Variants in BBX observed in about 807,000 individuals in gnomAD.
The protein encoded by BBX is BBX high mobility group box domain containing, also known as HMG box transcription factor BBX.
Under a neutral mutation model 100.2 loss-of-function variants are expected in BBX, and 30 were observed. The ratio of observed to expected loss-of-function variants is 0.30; its 90% confidence interval spans 0.22 to 0.41. BBX has a LOEUF of 0.41. Among genes scored for constraint, BBX ranks in the 10% least tolerant of loss-of-function variants. The pLI is 1.00. For synonymous variants in BBX, 376 were observed against 388.1 expected, an observed-to-expected ratio of 0.97 and a Z score of 0.37; for missense variants, 1,023 against 1,129.8, an observed-to-expected ratio of 0.91 and a Z score of 1.35.
At chr3:107,526,599 A>G in intron 2 of BBX, 1 of 374,420 alleles carries the variant, frequency 2.7e-6, no homozygotes, top group Non-Finnish European at 4.7e-6. Context: ...AAGATAGTAA[A>G]TATTCATTTT....
At chr3:107,627,668 AT>A (rs921022998) in intron 2 of BBX, among the ~76,000 whole-genome samples, 33 of 150,034 alleles carry the variant, frequency 2.2e-4, no homozygotes, top group East Asian at 9.8e-4. Flanking sequence ...ACTAGGTTCA[AT>A]TTTTTTTTTC....
chr3:107,584,191 ATGATATATATAT>A (rs2052628572), intron 2 of BBX, among the ~76,000 whole-genome samples: 1 of 33,792 alleles, frequency 3.0e-5, no homozygotes, highest in Non-Finnish European at 5.5e-5. Flanking sequence ...TATATAATAT[ATGATATATATAT>A]TATTATATAT....
chr3:107,551,585 C>T (rs1357876055), intron 2 of BBX, among the ~76,000 whole-genome samples: 1 of 152,202 alleles, frequency 6.6e-6, no homozygotes, highest in East Asian at 1.9e-4. Flanking sequence ...TTTCTGGCAT[C>T]ACCGACCTCA....
chr3:107,693,888 T>A (rs1468546988), intron 3 of BBX, among the ~76,000 whole-genome samples: 1 of 150,644 alleles, frequency 6.6e-6, no homozygotes, highest in Admixed American at 6.6e-5. Flanking sequence ...CAGTGGTTTG[T>A]AGTTCTCCTT....
intron 2 of BBX, among the ~76,000 whole-genome samples, chr3:107,578,147 T>C (rs756444198): frequency 6.6e-6 from 1 of 152,218 alleles, no homozygotes; most frequent in Non-Finnish European, 1.5e-5. Flanking sequence ...TTAAACAGCT[T>C]AGTGGCAAAA....
At chr3:107,668,409 T>G (rs1226453818) in intron 3 of BBX, among the ~76,000 whole-genome samples, 14 of 151,160 alleles carry the variant, frequency 9.3e-5, no homozygotes, top group Non-Finnish European at 7.4e-5. Flanking sequence ...TTATTTCCTG[T>G]TAACTTAACC....
At chr3:107,747,216 C>T (rs2064690288) in intron 8 of BBX, among the ~76,000 whole-genome samples, 1 of 151,664 alleles carries the variant, frequency 6.6e-6, no homozygotes, top group Non-Finnish European at 1.5e-5. Context: ...CATTGTCACA[C>T]ACTAACGTGT....
chr3:107,572,250 C>T (rs1298484751), intron 2 of BBX, among the ~76,000 whole-genome samples: 3 of 152,176 alleles, frequency 2.0e-5, no homozygotes, highest in Non-Finnish European at 2.9e-5. Context: ...GCTATATTCA[C>T]GTAATCCTTT....
chr3:107,679,130 A>G (rs1205582503), intron 3 of BBX, among the ~76,000 whole-genome samples: 1 of 148,180 alleles, frequency 6.7e-6, no homozygotes, highest in Middle Eastern at 3.3e-3. Context: ...AGTCATATTT[A>G]AGGGCTTCAT....
At chr3:107,636,221 T>C (rs1220890454) in intron 2 of BBX, among the ~76,000 whole-genome samples, 1 of 152,158 alleles carries the variant, frequency 6.6e-6, no homozygotes, top group Non-Finnish European at 1.5e-5. Context: ...TACCTGAAAC[T>C]CAGGTAGAAT....
chr3:107,584,023 TTA>T (rs1416615773), intron 2 of BBX, among the ~76,000 whole-genome samples: 2 of 70,960 alleles, frequency 2.8e-5, no homozygotes, highest in African/African-American at 6.2e-5. Context: ...ATACATATTA[TTA>T]TATATATTAA....
At position 107,774,818 on chromosome 3, in the gene BBX, A is replaced by C; in HGVS notation, c.2015A>C (p.Lys672Thr). 1 of 1,613,594 alleles carries C rather than the reference A, an allele frequency of 6.2e-7. No individual in the cohort carries two copies. Among genetic ancestry groups the C allele is most frequent in the Non-Finnish European group, 8.5e-7 (1 of 1,179,648 alleles). ...FSQSGTSGSKKFKKTKPKEDC... is the reference protein window; with the variant it reads ...FSQSGTSGSKTFKKTKPKEDC... The stretch of plus-strand genomic sequence containing the variant: ...CAGAGTGGGACCAGTGGGAGCAAGA[A>C]GTTCAAGAAGACAAAGCCAAAAGAA... Residue 672 changes from lysine (K) to threonine (T), a missense_variant, in exon 12 of 18, where the codon AAG becomes ACG. Transcript: ENST00000325805.
intron 1 of BBX, chr3:107,523,628 G>C (rs1354059414): frequency 1.3e-5 from 2 of 152,412 alleles, no homozygotes; most frequent in African/African-American, 4.8e-5. Context: ...CGCCCGGGGA[G>C]CCCCAAACTT....
chr3:107,644,671 G>A lies in BBX; in HGVS notation c.-83-1165G>A, dbSNP rs1201456829. Among the ~76,000 whole-genome samples, 8 of 152,070 alleles carry A rather than the reference G, an allele frequency of 5.3e-5. No individual in the cohort carries two copies. In the South Asian group the frequency reaches 1.5e-3, roughly 28 times the overall value. On this transcript the variant is annotated intron_variant, in intron 2 of 17. Transcript: ENST00000325805. ...GTTTGACTTGAAAGTATTCATATGT[G>A]TCCTTTATAGTTTGCTTCAAAGATC...
chr3:107,685,511 T>C (rs1392971209), intron 3 of BBX, among the ~76,000 whole-genome samples: 1 of 152,236 alleles, frequency 6.6e-6, no homozygotes, highest in Non-Finnish European at 1.5e-5. Context: ...TTCCCTTTCC[T>C]TCTCAGCCTT....
rs1256351957 is a variant in BBX at position 107,791,285 on chromosome 3, T to G, written c.2339T>G (p.Ile780Ser). Residue 780 changes from isoleucine to serine, a missense_variant, in exon 15 of 18, where the codon ATT (isoleucine) becomes AGT (serine). Around this residue, in one of 9 missense-constraint regions of BBX, gnomAD observed 215 missense variants for 211.3 expected, o/e 1.02. Coordinates refer to ENST00000325805, the MANE Select transcript of BBX (RefSeq NM_001142568.3). ...AACAAGCAACTCTTCTTGGATGCCA[T>G]TCACCCTACAGAAGGTAAGACAAGC... ...WSNKQLFLDA[I>S]HPTEAIFSED... is the part of the protein sequence containing the mutation. The G allele has an allele frequency of 1.9e-6, 3 of 1,613,084 alleles. No individual in the cohort carries two copies. The highest frequency in any genetic ancestry group is 2.5e-6 in the Non-Finnish European group (3 of 1,179,362).
chr3:107,702,146 A>C (rs997805604), intron 3 of BBX, among the ~76,000 whole-genome samples: 3 of 152,234 alleles, frequency 2.0e-5, no homozygotes, highest in Admixed American at 2.0e-4. Flanking sequence ...GATAGACCTG[A>C]GAAGAAAAAT....
Position 107,545,822 on chromosome 3 carries a change from A to C in BBX, c.-84+19424A>C, listed in dbSNP as rs1281666681. On this transcript the variant is annotated intron_variant, in intron 2 of 17. Transcript: ENST00000325805. ...GGTAGTGATGATGCATTAAGTGGATAAAACCACAGTCATGCTGGGGCTTTC... is the reference window on the plus strand; with the variant it reads ...GGTAGTGATGATGCATTAAGTGGATCAAACCACAGTCATGCTGGGGCTTTC... 1.3e-3 allele frequency among the ~76,000 whole-genome samples: 199 copies of C among 152,198 alleles called. 4 individuals are homozygous for C. The highest frequency in any genetic ancestry group is 2.9e-5 in the Non-Finnish European group (2 of 68,034).
intron 2 of BBX, among the ~76,000 whole-genome samples, chr3:107,623,463 C>T (rs868194862): frequency 6.6e-6 from 1 of 152,124 alleles, no homozygotes; most frequent in Non-Finnish European, 1.5e-5. Flanking sequence ...TTTTAGCTGC[C>T]ACATGCATCT....
Sources: gnomAD v4.1 joint callset for allele counts (sites outside exome capture counted in the v4.1 genomes callset) on GRCh38, gnomAD v4.1.1 for gene constraint, gnomAD v4.1.1 regional missense constraint, MANE v1.5 for transcripts, NCBI Gene and HGNC (gene_info 2026-07-23, HGNC 2026-07-21) for gene names.